SHMT1: variants seen among roughly 807,000 people sequenced by gnomAD.
The protein encoded by SHMT1 is serine hydroxymethyltransferase, cytosolic.
Under a neutral mutation model 49.0 loss-of-function variants are expected in SHMT1, and 45 were observed. That is an observed-to-expected ratio of 0.92 (90% CI 0.72 to 1.18). The LOEUF (loss-of-function observed/expected upper bound fraction) is 1.18. SHMT1 is among the 50% of genes most tolerant of loss of function. The probability of loss-of-function intolerance (pLI) is 0.00; values close to 1 mark genes in which losing one functional copy is unlikely to be tolerated. For missense variants in SHMT1, 541 were observed against 612.4 expected, an observed-to-expected ratio of 0.88 and a Z score of 1.23; for synonymous variants, 232 against 246.6, an observed-to-expected ratio of 0.94 and a Z score of 0.55.
rs1324156041 is a variant in SHMT1 at position 18,329,310 on chromosome 17, T to C, written c.1250A>G (p.Asp417Gly). The change falls in exon 11 of 12, where the codon GAC (aspartate) becomes GGC (glycine). Residue 417 changes from aspartate to glycine, a missense_variant. Coordinates refer to ENST00000316694, the MANE Select transcript of SHMT1 (RefSeq NM_004169.5). ...AATAAAGTGGGCTACTTTTTGGAAG[T>C]CTTTTTCCAAAAGTCCACGGGACGT... ...ALTSRGLLEKDFQKVAHFIHR... is the reference protein window; with the variant it reads ...ALTSRGLLEKGFQKVAHFIHR... The C allele has an allele frequency of 6.2e-7, 1 of 1,613,290 alleles. No homozygotes were observed. Among genetic ancestry groups the C allele is most frequent in the South Asian group, 1.1e-5 (1 of 91,042 alleles).
At position 18,328,624 on chromosome 17, in the gene SHMT1, AC is replaced by A; in HGVS notation, c.*125del. On this transcript the variant is annotated 3_prime_UTR_variant, in exon 12 of 12. Coordinates refer to ENST00000316694, the MANE Select transcript of SHMT1 (RefSeq NM_004169.5). ...AAAACATGAAAAAAGTCCAAAAGAAACCCCCTCAAAGGGCCCGAGTGTCAAC... is the reference window on the plus strand; with the variant it reads ...AAAACATGAAAAAAGTCCAAAAGAAACCCCTCAAAGGGCCCGAGTGTCAAC... 1 of 992,958 alleles carries A rather than the reference AC, an allele frequency of 1.0e-6. No homozygotes were observed. The highest frequency in any genetic ancestry group is 1.5e-6 in the Non-Finnish European group (1 of 678,968). 61.5% of individuals were successfully genotyped at this position (992,958 alleles called of 1,614,324 possible).
chr17:18,363,082 T>A (rs1986920697), intron 1 of SHMT1: 1 of 151,862 alleles, frequency 6.6e-6, no homozygotes, highest in Non-Finnish European at 1.5e-5. Context: ...AGAAAAGTGT[T>A]CAGTGGAGAG....
chr17:18,333,114 G>A, intron 9 of SHMT1, 52 bp downstream of exon 9: 1 of 1,609,104 alleles, frequency 6.2e-7, no homozygotes, highest in Non-Finnish European at 8.5e-7. Context: ...TGAGAAGCAA[G>A]CCTTAATACA....
chr17:18,355,290 A>G (rs1243617789), intron 2 of SHMT1, among the ~76,000 whole-genome samples: 1 of 150,832 alleles, frequency 6.6e-6, no homozygotes, highest in Non-Finnish European at 1.5e-5. Flanking sequence ...GAATGGCATG[A>G]ACCCAGGAGG....
intron 5 of SHMT1, among the ~76,000 whole-genome samples, chr17:18,344,525 T>C (rs1042089400): frequency 9.6e-6 from 1 of 104,676 alleles, no homozygotes; most frequent in Non-Finnish European, 1.9e-5. Context: ...AAAAAAAAGA[T>C]TTAAAAAAAA....
At position 18,329,339 on chromosome 17, in the gene SHMT1, T is replaced by C; in HGVS notation, c.1221A>G (p.Ala407=). The C allele has an allele frequency of 6.2e-7, 1 of 1,613,096 alleles. No homozygotes were observed. The highest frequency in any genetic ancestry group is 8.5e-7 in the Non-Finnish European group (1 of 1,180,024). Reference sequence around the variant, plus strand: ...TTTCCAAAAGTCCACGGGACGTCAGTGCTGGGGTCCCCAGCCGCAGTCCAC... The same window carrying C: ...TTTCCAAAAGTCCACGGGACGTCAGCGCTGGGGTCCCCAGCCGCAGTCCAC... ...RPSGLRLGTP[A]LTSRGLLEKD... The change falls in exon 11 of 12, where the codon GCA becomes GCG. Residue 407 remains alanine, a synonymous_variant. Coordinates refer to ENST00000316694, the MANE Select transcript of SHMT1 (RefSeq NM_004169.5).
At chr17:18,343,971 CAT>C (rs1984810397) in intron 5 of SHMT1, among the ~76,000 whole-genome samples, 1 of 148,794 alleles carries the variant, frequency 6.7e-6, no homozygotes, top group South Asian at 2.1e-4. Context: ...ACCAGCAGAG[CAT>C]AGAGCGCACC....
rs574751263 is a variant in SHMT1 at position 18,353,923 on chromosome 17, T to C, written c.97-106A>G. 2.4e-4 allele frequency: 234 copies of C among 977,066 alleles called. 3 individuals are homozygous for C. In the South Asian group the frequency reaches 2.8e-3, roughly 12 times the overall value. The allele number at this position is 977,066 out of a possible 1,614,324, so 60.5% of individuals were successfully genotyped here. ...AGAGAAAAGACACTCTTTCACATTA[T>C]GGAATAGAATGAATCCTCCTCAAAG... is the stretch of plus-strand genomic sequence containing the variant. On this transcript the variant is annotated intron_variant, in intron 2 of 11. Transcript: ENST00000316694.
chr17:18,343,241 G>A (rs938547168), intron 5 of SHMT1, among the ~76,000 whole-genome samples: 6 of 151,742 alleles, frequency 4.0e-5, no homozygotes, highest in African/African-American at 1.5e-4. Context: ...TGTAGATCTC[G>A]ATGTAAAATT....
intron 3 of SHMT1, among the ~76,000 whole-genome samples, chr17:18,349,795 C>T (rs533045116): frequency 3.3e-5 from 5 of 152,026 alleles, no homozygotes; most frequent in African/African-American, 4.8e-5. Flanking sequence ...CCGAAGTGGG[C>T]GGATCACCTG....
At chr17:18,331,018 T>A (rs2151563652) in intron 9 of SHMT1, 1 of 373,274 alleles carries the variant, frequency 2.7e-6, no homozygotes, top group African/African-American at 2.1e-5. Context: ...GAAGGCAGCA[T>A]GAATATTGGG....
chr17:18,347,380 G>C, intron 5 of SHMT1, 116 bp downstream of exon 5: 1 of 1,180,354 alleles, frequency 8.5e-7, no homozygotes, highest in Non-Finnish European at 1.3e-6. Context: ...AATTAAAAAC[G>C]GTGCGAGGTG....
At position 18,328,801 on chromosome 17, in the gene SHMT1, C is replaced by T. The variant is rs373621275; in HGVS notation, c.1401G>A (p.Glu467=). 4 of 1,606,934 alleles carry T rather than the reference C, an allele frequency of 2.5e-6. No individual in the cohort carries two copies. The highest frequency in any genetic ancestry group is 3.4e-5 in the Admixed American group (2 of 59,264). Residue 467 remains glutamate (E), a synonymous_variant, in exon 12 of 12, where the codon GAG becomes GAA. Transcript: ENST00000316694. ...GGAAGAGAGAGGCGAAGCTCTCAAC[C>T]TCCTCCCGGAGAGCCTGCACGGCCG... ...YQAAVQALRE[E]VESFASLFPL...
At chr17:18,341,806 A>G (rs1555580589) in intron 5 of SHMT1, among the ~76,000 whole-genome samples, 1 of 152,202 alleles carries the variant, frequency 6.6e-6, no homozygotes, top group Non-Finnish European at 1.5e-5. Context: ...GACAAATTAT[A>G]GTAATTAAGG....
At chr17:18,335,752 G>T in intron 7 of SHMT1, 77 bp from the exon 8 acceptor site, 1 of 1,031,842 alleles carries the variant, frequency 9.7e-7, no homozygotes, top group Non-Finnish European at 1.5e-6. Context: ...ACCCAGACTG[G>T]CCAGGGAAGA....
Position 18,340,867 on chromosome 17 carries a change from T to A in SHMT1, c.520-54A>T. 1 of 1,297,352 alleles carries A rather than the reference T, an allele frequency of 7.7e-7. No homozygotes were observed. 80.4% of individuals were successfully genotyped at this position (1,297,352 alleles called of 1,614,324 possible). On this transcript the variant is annotated intron_variant, in intron 5 of 11. Transcript: ENST00000316694. This position sits in a 1 kb window ranked among gnomAD's most constrained non-coding sequence, Gnocchi z 4.5. ...GCTGCTTCCTCCAACCACACCTGCC[T>A]CCTGTCCTCCCACTTGAACTGGCTC...
At position 18,328,700 on chromosome 17, in the gene SHMT1, C is replaced by A. The variant is rs747567906; in HGVS notation, c.*50G>T. ...CATCTCTCAGGTGGGGGTCCTCCGG[C>A]AGGCAGCTTCCTCTGTGGCGCCAGG... On this transcript the variant is annotated 3_prime_UTR_variant, in exon 12 of 12. Coordinates refer to ENST00000316694, the MANE Select transcript of SHMT1 (RefSeq NM_004169.5). The A allele has an allele frequency of 5.6e-5, 87 of 1,545,804 alleles. No homozygotes were observed. Among genetic ancestry groups the A allele is most frequent in the Non-Finnish European group, 7.2e-5 (82 of 1,145,926 alleles).
In SHMT1 at chr17:18,356,841, C is replaced by G. The variant is rs755709684; in HGVS notation, c.-19-841G>C. Among the ~76,000 whole-genome samples, 26 of 152,166 alleles carry G rather than the reference C, an allele frequency of 1.7e-4. 1 individual carries two copies. Among genetic ancestry groups the G allele is most frequent in the South Asian group, 1.5e-3 (7 of 4,822 alleles). Reference sequence around the variant, plus strand: ...AATGAGAACTGACCCTCCTCCCCACCTGCAGGGAGCCCAACTCCGCCTCCT... The same window carrying G: ...AATGAGAACTGACCCTCCTCCCCACGTGCAGGGAGCCCAACTCCGCCTCCT... On this transcript the variant is annotated intron_variant, in intron 1 of 11. Transcript: ENST00000316694.
chr17:18,333,195 A>T lies in SHMT1; in HGVS notation c.1025T>A (p.Leu342Gln). 1 of 1,614,092 alleles carries T rather than the reference A, an allele frequency of 6.2e-7. No homozygotes were observed. Among genetic ancestry groups the T allele is most frequent in the Non-Finnish European group, 8.5e-7 (1 of 1,179,966 alleles). The part of the protein sequence containing the change: ...VANCRALSEA[L>Q]TELGYKIVTG... ...GACTATTTTGTAGCCCAGCTCCGTCAGGGCCTCAGACAGAGCCCTGCAGTT... is the reference window on the plus strand; with the variant it reads ...GACTATTTTGTAGCCCAGCTCCGTCTGGGCCTCAGACAGAGCCCTGCAGTT... The change falls in exon 9 of 12, where the codon CTG (leucine) becomes CAG (glutamine). Residue 342 changes from leucine (L) to glutamine (Q), a missense_variant. Physicochemically the swap from Leu to Gln is moderately radical, Grantham distance 113 (BLOSUM62 -2). Coordinates refer to ENST00000316694, the MANE Select transcript of SHMT1 (RefSeq NM_004169.5).
Sources: allele counts gnomAD v4.1 joint callset (sites outside exome capture counted in the v4.1 genomes callset), GRCh38; gene constraint gnomAD v4.1.1; non-coding constraint Gnocchi (gnomAD v3.1); transcripts MANE v1.5; gene names NCBI Gene and HGNC (gene_info 2026-07-23, HGNC 2026-07-21).